Variants in AUTS2 observed in about 807,000 individuals in gnomAD.
AUTS2 encodes the protein autism susceptibility gene 2 protein.
A neutral mutation model predicts 112.4 loss-of-function variants in AUTS2; 17 were observed. That is an observed-to-expected ratio of 0.15 (90% CI 0.10 to 0.23). The LOEUF is 0.23. AUTS2 is among the 10% of genes least tolerant of loss of function. The pLI, the probability that AUTS2 is intolerant of heterozygous loss-of-function variation, is 1.00. For missense variants in AUTS2, 1,510 were observed against 1,701.6 expected (o/e 0.89, Z 1.98); for synonymous variants, 751 against 702.7 (o/e 1.07, Z -1.09).
chr7:70,349,163 G>A (rs1292014115), intron 4 of AUTS2, among the ~76,000 whole-genome samples: 2 of 152,014 alleles, frequency 1.3e-5, no homozygotes, highest in Non-Finnish European at 2.9e-5. Context: ...GCACATCCCA[G>A]ACTTACAGGC....
chr7:70,087,328 C>T (rs1209952573), intron 2 of AUTS2, among the ~76,000 whole-genome samples: 6 of 148,478 alleles, frequency 4.0e-5, no homozygotes, highest in Non-Finnish European at 7.4e-5. Flanking sequence ...AAAAATTATT[C>T]GTATATATAT....
Position 70,559,430 on chromosome 7 carries a change from G to A in AUTS2, c.690+123649G>A, listed in dbSNP as rs368248464. Reference sequence around the variant, plus strand: ...GCTCACTGCAACTTCTGCCTCCCGGGTTCAAGCAATTCTCCTGTCTCAGCC... The same window carrying A: ...GCTCACTGCAACTTCTGCCTCCCGGATTCAAGCAATTCTCCTGTCTCAGCC... On this transcript the variant is annotated intron_variant, in intron 5 of 18. Transcript: ENST00000342771. Among the ~76,000 whole-genome samples, 4 of 151,698 alleles carry A rather than the reference G, an allele frequency of 2.6e-5. No homozygotes were observed. In the East Asian group the frequency reaches 7.8e-4, roughly 29 times the overall value.
chr7:70,494,960 G>A (rs1413224974), intron 5 of AUTS2, among the ~76,000 whole-genome samples: 1 of 152,054 alleles, frequency 6.6e-6, no homozygotes, highest in Non-Finnish European at 1.5e-5. Flanking sequence ...TGGTGACACT[G>A]AAGAAAAGTA....
chr7:69,993,685 G>A (rs538479714), intron 2 of AUTS2, among the ~76,000 whole-genome samples: 11 of 152,132 alleles, frequency 7.2e-5, no homozygotes, highest in South Asian at 2.1e-4. Flanking sequence ...AGTGAGCCGT[G>A]ATCATATTAC....
At chr7:69,796,630 A>G (rs982454511) in intron 1 of AUTS2, among the ~76,000 whole-genome samples, 5 of 152,120 alleles carry the variant, frequency 3.3e-5, no homozygotes, top group Admixed American at 6.6e-5. Context: ...AAGAAGGAAA[A>G]CATTTATGGT....
chr7:69,938,255 G>A (rs1246494933), intron 2 of AUTS2, among the ~76,000 whole-genome samples: 2 of 152,118 alleles, frequency 1.3e-5, no homozygotes, highest in Non-Finnish European at 2.9e-5. Flanking sequence ...CTTTCCAGGT[G>A]CTGTCTCCTT....
chr7:69,655,198 GA>G (rs1017895464), intron 1 of AUTS2, among the ~76,000 whole-genome samples: 6 of 151,174 alleles, frequency 4.0e-5, no homozygotes, highest in East Asian at 3.9e-4. Context: ...TCCAGTTAAT[GA>G]AAAAAAAATC....
At chr7:69,714,239 G>T (rs1383198142) in intron 1 of AUTS2, among the ~76,000 whole-genome samples, 2 of 69,852 alleles carry the variant, frequency 2.9e-5, no homozygotes, top group Non-Finnish European at 5.9e-5. Flanking sequence ...AATTGTGCAT[G>T]TGTGTGTATA....
chr7:69,623,367 CA>C (rs1174608390), intron 1 of AUTS2, among the ~76,000 whole-genome samples: 1 of 149,012 alleles, frequency 6.7e-6, no homozygotes, highest in Admixed American at 6.8e-5. Context: ...GGACTACCAC[CA>C]CCACGCCCAG....
At chr7:69,944,031 A>T (rs1796719413) in intron 2 of AUTS2, among the ~76,000 whole-genome samples, 1 of 152,212 alleles carries the variant, frequency 6.6e-6, no homozygotes, top group African/African-American at 2.4e-5. Context: ...TCTATAGCTC[A>T]TCTAACTTCA....
intron 1 of AUTS2, among the ~76,000 whole-genome samples, chr7:69,888,808 A>G (rs1794395345): frequency 1.3e-5 from 2 of 151,918 alleles, no homozygotes; most frequent in Admixed American, 1.3e-4. Context: ...TCCTGAGCTC[A>G]GGCAATCCAC....
intron 4 of AUTS2, among the ~76,000 whole-genome samples, chr7:70,403,825 C>T (rs375165593): frequency 3.3e-5 from 5 of 152,310 alleles, no homozygotes; most frequent in Admixed American, 1.3e-4. Flanking sequence ...GTAGACACTG[C>T]ATTCCTTCTG....
intron 4 of AUTS2, among the ~76,000 whole-genome samples, chr7:70,211,917 C>T (rs1411858685): frequency 5.9e-5 from 9 of 151,972 alleles, no homozygotes; most frequent in Non-Finnish European, 1.0e-4. Flanking sequence ...GCCTGGGAGG[C>T]GGAGCTTGCA....
intron 4 of AUTS2, among the ~76,000 whole-genome samples, chr7:70,332,615 A>G (rs2129619649): frequency 6.6e-6 from 1 of 152,298 alleles, no homozygotes; most frequent in Admixed American, 6.5e-5. Flanking sequence ...CAAAACGTAG[A>G]TATAGACCAA....
intron 1 of AUTS2, among the ~76,000 whole-genome samples, chr7:69,662,802 G>A (rs1795864817): frequency 6.6e-6 from 1 of 152,172 alleles, no homozygotes; most frequent in East Asian, 1.9e-4. Flanking sequence ...GTAAAATATA[G>A]TAATCTCTGA....
At chr7:70,000,455 A>T (rs1361804963) in intron 2 of AUTS2, among the ~76,000 whole-genome samples, 2 of 152,216 alleles carry the variant, frequency 1.3e-5, no homozygotes, top group Non-Finnish European at 2.9e-5. Context: ...AAATTCAGTC[A>T]CAAAACTGAA....
intron 6 of AUTS2, among the ~76,000 whole-genome samples, chr7:70,759,102 A>G (rs991623837): frequency 9.2e-5 from 14 of 152,324 alleles, no homozygotes; most frequent in African/African-American, 1.9e-4. Context: ...AACCCTCTAC[A>G]CTTTAAGTCT....
intron 1 of AUTS2, among the ~76,000 whole-genome samples, chr7:69,619,565 TTC>T (rs1289803344): frequency 6.6e-6 from 1 of 152,146 alleles, no homozygotes; most frequent in Non-Finnish European, 1.5e-5. Flanking sequence ...GAATGATCAG[TTC>T]TGTGTGGACA....
At chr7:70,019,411 A>T (rs570723943) in intron 2 of AUTS2, among the ~76,000 whole-genome samples, 1 of 152,368 alleles carries the variant, frequency 6.6e-6, no homozygotes, top group East Asian at 1.9e-4. Flanking sequence ...CCCTGAACTT[A>T]AAAGCTAAAT....
Sources: allele counts gnomAD v4.1 joint callset (sites outside exome capture counted in the v4.1 genomes callset), GRCh38; gene constraint gnomAD v4.1.1; transcripts MANE v1.5; gene names NCBI Gene and HGNC (gene_info 2026-07-23, HGNC 2026-07-21).